OR3A3: variants seen among roughly 807,000 people sequenced by gnomAD.
OR3A3 encodes the protein olfactory receptor family 3 subfamily A member 3.
For synonymous variants in OR3A3, 103 were observed against 163.9 expected (o/e 0.63, Z 2.84); for missense variants, 275 against 391.4 (o/e 0.70, Z 2.51).
At chr17:3,421,321 T>G in exon 3 of OR3A3, 1 of 1,614,168 alleles carries the variant, frequency 6.2e-7, no homozygotes, top group Non-Finnish European at 8.5e-7. Context: ...CACATGTGGC[T>G]CCCACCTCAC....
chr17:3,420,100 G>C (rs903865633), intron 2 of OR3A3, among the ~76,000 whole-genome samples: 1 of 152,056 alleles, frequency 6.6e-6, no homozygotes, highest in Non-Finnish European at 1.5e-5. Context: ...TATTCAAAAA[G>C]GAAGTCTTTT....
At chr17:3,418,879 A>C (rs1298292364) in intron 2 of OR3A3, among the ~76,000 whole-genome samples, 1 of 152,182 alleles carries the variant, frequency 6.6e-6, no homozygotes, top group African/African-American at 2.4e-5. Context: ...GACATAATTC[A>C]GTATGGCTTT....
At chr17:3,418,571 TA>T (rs1287083087) in intron 2 of OR3A3, among the ~76,000 whole-genome samples, 6 of 152,160 alleles carry the variant, frequency 3.9e-5, no homozygotes, top group Admixed American at 3.9e-4. Flanking sequence ...TTTCCACTTT[TA>T]TAAACAAAGG....
intron 2 of OR3A3, among the ~76,000 whole-genome samples, chr17:3,419,269 C>T (rs2072411250): frequency 6.6e-6 from 1 of 152,116 alleles, no homozygotes; most frequent in Admixed American, 6.5e-5. Flanking sequence ...CTCTCTGATT[C>T]CTGGCATACC....
chr17:3,416,162 T>C (rs2072390381), intron 2 of OR3A3, among the ~76,000 whole-genome samples: 1 of 152,090 alleles, frequency 6.6e-6, no homozygotes, highest in South Asian at 2.1e-4. Context: ...ATTCCTATTT[T>C]ATTATAAGAT....
intron 2 of OR3A3, among the ~76,000 whole-genome samples, chr17:3,418,835 A>G (rs1006585461): frequency 3.3e-5 from 5 of 152,206 alleles, no homozygotes; most frequent in Admixed American, 6.5e-5. Context: ...TCTCTAGTCA[A>G]TAAAGACATT....
At chr17:3,415,421 C>T (rs1174253593) in intron 2 of OR3A3, among the ~76,000 whole-genome samples, 4 of 151,444 alleles carry the variant, frequency 2.6e-5, no homozygotes, top group African/African-American at 4.9e-5. Context: ...ATTAGCCAGA[C>T]GTGGTGGCGG....
rs1453149568 is a variant in OR3A3 at position 3,422,628 on chromosome 17, T to C, written c.*1095T>C. The C allele has an allele frequency of 2.0e-5, 3 of 152,236 alleles. No homozygotes were observed. The East Asian group carries it at 5.8e-4, about 29-fold the overall frequency. The allele number at this position is 152,236 out of a possible 1,614,324, so 9.4% of individuals were successfully genotyped here. On this transcript the variant is annotated 3_prime_UTR_variant, in exon 3 of 3. Transcript: ENST00000641141. Reference sequence around the variant, plus strand: ...GAGCATTTCCTCATCTTGATGTCTATCCAGGTTTCAGCCCATTAATTCCTG... The same window carrying C: ...GAGCATTTCCTCATCTTGATGTCTACCCAGGTTTCAGCCCATTAATTCCTG...
intron 2 of OR3A3, among the ~76,000 whole-genome samples, chr17:3,414,096 G>A (rs1341296710): frequency 1.3e-5 from 2 of 152,146 alleles, no homozygotes; most frequent in Non-Finnish European, 2.9e-5. Context: ...TTGAGACAGA[G>A]TCTCAGACGG....
exon 3 of OR3A3, chr17:3,423,141 C>T (rs137928528): frequency 6.6e-6 from 1 of 152,216 alleles, no homozygotes. Context: ...AAGTTCCTTA[C>T]CATGGTTGGG....
At chr17:3,415,826 A>T (rs2072388139) in intron 2 of OR3A3, among the ~76,000 whole-genome samples, 3 of 142,948 alleles carry the variant, frequency 2.1e-5, no homozygotes, top group Non-Finnish European at 3.0e-5. Flanking sequence ...TATTATTATT[A>T]TTATTATTAT....
chr17:3,414,021 G>A (rs1224597037), intron 2 of OR3A3, among the ~76,000 whole-genome samples: 2 of 152,064 alleles, frequency 1.3e-5, no homozygotes, highest in Non-Finnish European at 2.9e-5. Context: ...AGAGACTCCA[G>A]TGAGATGCAC....
intron 2 of OR3A3, among the ~76,000 whole-genome samples, chr17:3,412,544 C>T (rs1382874532): frequency 6.7e-6 from 1 of 148,156 alleles, no homozygotes; most frequent in Non-Finnish European, 1.5e-5. Flanking sequence ...GTAAGGGGAG[C>T]CTCGAGAGTG....
exon 3 of OR3A3, chr17:3,420,583 C>T (rs1197788033): frequency 6.6e-7 from 1 of 1,526,600 alleles, no homozygotes; most frequent in South Asian, 1.3e-5. Context: ...CTTACAGAAA[C>T]TCATGGAGCC....
At chr17:3,417,470 T>A (rs778512048) in intron 2 of OR3A3, among the ~76,000 whole-genome samples, 26 of 152,190 alleles carry the variant, frequency 1.7e-4, no homozygotes, top group Non-Finnish European at 2.9e-4. Context: ...ACAATCCCCA[T>A]ATACGTCTTA....
At chr17:3,422,226 G>A (rs2150682981) in exon 3 of OR3A3, 1 of 152,224 alleles carries the variant, frequency 6.6e-6, no homozygotes, top group Non-Finnish European at 1.5e-5. Flanking sequence ...GAATCCCATA[G>A]GACGATCAGG....
Position 3,423,953 on chromosome 17 carries a change from GAA to G in OR3A3, c.*2436_*2437del, listed in dbSNP as rs148900480. 1.8e-3 allele frequency: 213 copies of G among 120,036 alleles called. 1 individual carries two copies. The highest frequency in any genetic ancestry group is 8.5e-3 in the Middle Eastern group (2 of 236). The allele number at this position is 120,036 out of a possible 1,614,324, so 7.4% of individuals were successfully genotyped here. On this transcript the variant is annotated 3_prime_UTR_variant, in exon 3 of 3. Transcript: ENST00000641141. ...AGAGCGAAATGCCATCTCAAAAAAA[GAA>G]AAAAAAAAAAAAAAAGAACTTGGTG...
exon 3 of OR3A3, chr17:3,421,560 T>C: frequency 2.6e-6 from 4 of 1,515,456 alleles, no homozygotes; most frequent in Non-Finnish European, 2.6e-6. Flanking sequence ...CTGCCTTTTC[T>C]GGACCGAGGA....
intron 2 of OR3A3, among the ~76,000 whole-genome samples, chr17:3,420,136 C>T (rs191299791): frequency 4.6e-5 from 7 of 151,864 alleles, no homozygotes; most frequent in Admixed American, 3.3e-4. Context: ...AATTTTATTG[C>T]GTATATTTAA....
Sources: allele counts gnomAD v4.1 joint callset (sites outside exome capture counted in the v4.1 genomes callset), GRCh38; gene constraint gnomAD v4.1.1; transcripts MANE v1.5; gene names NCBI Gene and HGNC (gene_info 2026-07-23, HGNC 2026-07-21).